SAMD3: variants seen among roughly 807,000 people sequenced by gnomAD.
SAMD3 encodes the protein sterile alpha motif domain containing 3, also known as sterile alpha motif domain-containing protein 3.
SAMD3 carries 63 observed loss-of-function variants against 58.5 expected under a neutral mutation model. The observed-to-expected ratio is 1.08, with a 90% CI of 0.88 to 1.33. The LOEUF (loss-of-function observed/expected upper bound fraction) is 1.33, where lower values mean the gene tolerates loss of function less well. Ranked by LOEUF, SAMD3 falls within the 40% of genes most tolerant of loss-of-function variation. The pLI, the probability that SAMD3 is intolerant of heterozygous loss-of-function variation, is 0.00. For missense variants in SAMD3, 604 were observed against 608.4 expected, an observed-to-expected ratio of 0.99 and a Z score of 0.08; for synonymous variants, 220 against 210.3, an observed-to-expected ratio of 1.05 and a Z score of -0.40.
chr6:130,243,434 G>A lies in SAMD3; in HGVS notation c.-187-20621C>T, dbSNP rs558901805. Among the ~76,000 whole-genome samples the A allele has an allele frequency of 6.6e-5, 10 of 152,230 alleles. No homozygotes were observed. In the South Asian group the frequency reaches 8.3e-4, roughly 13 times the overall value. ...AAGAGAGGAAAGAATACAAGACAGA[G>A]GGGAAGAGAGAATTGGAACTGACAT... On this transcript the variant is annotated intron_variant, in intron 2 of 13. Transcript: ENST00000368134.
At chr6:130,266,125 G>A (rs774205692) in intron 2 of SAMD3, among the ~76,000 whole-genome samples, 6 of 152,156 alleles carry the variant, frequency 3.9e-5, no homozygotes, top group Non-Finnish European at 8.8e-5. Flanking sequence ...TGATGGAGCT[G>A]AAATGGATCT....
intron 1 of SAMD3, among the ~76,000 whole-genome samples, chr6:130,318,795 T>C (rs948903812): frequency 1.3e-5 from 2 of 152,182 alleles, no homozygotes; most frequent in Non-Finnish European, 2.9e-5. Flanking sequence ...TGGTAAAGAA[T>C]AATTAGTTGA....
intron 5 of SAMD3, among the ~76,000 whole-genome samples, chr6:130,191,802 A>C (rs572342552): frequency 1.3e-5 from 2 of 152,340 alleles, no homozygotes; most frequent in East Asian, 3.9e-4. Flanking sequence ...GTAATTTCTT[A>C]AAATCCCAAA....
chr6:130,355,281 G>A (rs976562125), intron 1 of SAMD3, among the ~76,000 whole-genome samples: 2 of 152,062 alleles, frequency 1.3e-5, no homozygotes, highest in Non-Finnish European at 2.9e-5. Context: ...ACAATTAGCC[G>A]AGCATGGTAG....
In SAMD3 at chr6:130,185,504, A is replaced by AT. The variant is rs1175397273; in HGVS notation, c.384-882dup. 4.0e-5 allele frequency among the ~76,000 whole-genome samples: 6 copies of AT among 150,774 alleles called. No homozygotes were observed. In the East Asian group the frequency reaches 5.8e-4, roughly 15 times the overall value. ...CCACCACACCTGGCTAATTTTTTGT[A>AT]TTTTAGTAGAGATGGAGTTTCACCA... On this transcript the variant is annotated intron_variant, in intron 5 of 11. Coordinates refer to ENST00000439090, the MANE Select transcript of SAMD3 (RefSeq NM_001017373.4).
At chr6:130,195,199 T>TGC (rs1263564092) in intron 5 of SAMD3, among the ~76,000 whole-genome samples, 8 of 152,110 alleles carry the variant, frequency 5.3e-5, no homozygotes, top group Non-Finnish European at 1.2e-4. Flanking sequence ...GCCTCCTTCA[T>TGC]GTCCTCCTCT....
chr6:130,155,266 T>C (rs1036000496), intron 8 of SAMD3, among the ~76,000 whole-genome samples: 1 of 152,228 alleles, frequency 6.6e-6, no homozygotes, highest in Non-Finnish European at 1.5e-5. Context: ...CTTTAATTCC[T>C]ACGTTATCCT....
chr6:130,307,349 TGG>T (rs1163612188), intron 2 of SAMD3, among the ~76,000 whole-genome samples: 1 of 152,226 alleles, frequency 6.6e-6, no homozygotes, highest in Non-Finnish European at 1.5e-5. Context: ...TTATTTTGCA[TGG>T]GTCTCTGAAA....
At position 130,214,370 on chromosome 6, in the gene SAMD3, G is replaced by GC. The variant is rs1371631327; in HGVS notation, c.235dup (p.Ala79GlyfsTer16). ...TGCTTCTGTTTGCATGACCAGGGCT[G>GC]CCTTTTTGGGGTTTTCTGGGGACTT... On this transcript the variant is annotated frameshift_variant, in exon 4 of 12. Transcript: ENST00000439090. LOFTEE classifies it high-confidence loss of function. 8 of 1,607,834 alleles carry GC rather than the reference G, an allele frequency of 5.0e-6. No homozygotes were observed. The Admixed American group carries it at 8.5e-5, about 17-fold the overall frequency.
chr6:130,274,832 C>T (rs967160703), intron 2 of SAMD3, among the ~76,000 whole-genome samples: 1 of 151,852 alleles, frequency 6.6e-6, no homozygotes, highest in African/African-American at 2.4e-5. Context: ...AAGTCCCTCT[C>T]CCTTTATATT....
chr6:130,273,977 A>G (rs1349301192), intron 2 of SAMD3, among the ~76,000 whole-genome samples: 4 of 152,112 alleles, frequency 2.6e-5, no homozygotes, highest in African/African-American at 4.8e-5. Flanking sequence ...TAACTCTACA[A>G]GTGAATTTTA....
intron 2 of SAMD3, among the ~76,000 whole-genome samples, chr6:130,276,042 T>G (rs1490635593): frequency 1.3e-5 from 2 of 152,064 alleles, no homozygotes; most frequent in South Asian, 2.1e-4. Context: ...GTAATCTAGG[T>G]GGGCTTAATG....
In SAMD3 at chr6:130,350,347, T is replaced by A. The variant is rs571335016; in HGVS notation, c.-304+14773A>T. 1.5e-4 allele frequency among the ~76,000 whole-genome samples: 23 copies of A among 152,248 alleles called. No individual in the cohort carries two copies. The East Asian group carries it at 4.4e-3, about 29-fold the overall frequency. On this transcript the variant is annotated intron_variant, in intron 1 of 13. Transcript: ENST00000368134. ...CCCATCATCTCAGCCAAAAATCTCC[T>A]TAAGCTGATAAGCAACTTCAGCAAA...
intron 2 of SAMD3, among the ~76,000 whole-genome samples, chr6:130,258,266 TC>T (rs892637158): frequency 2.6e-5 from 4 of 152,148 alleles, no homozygotes; most frequent in Admixed American, 1.3e-4. Context: ...TACCTATCTC[TC>T]CCTGAATATT....
intron 5 of SAMD3, among the ~76,000 whole-genome samples, chr6:130,203,783 G>A (rs373434035): frequency 1.9e-4 from 29 of 152,276 alleles, no homozygotes; most frequent in African/African-American, 7.0e-4. Context: ...TGAGGAGTAG[G>A]AATTGAGAAG....
At position 130,240,300 on chromosome 6, in the gene SAMD3, A is replaced by G. The variant is rs373251116; in HGVS notation, c.-187-17487T>C. Among the ~76,000 whole-genome samples the G allele has an allele frequency of 7.2e-5, 11 of 152,288 alleles. No homozygotes were observed. In the East Asian group the frequency reaches 1.2e-3, roughly 16 times the overall value. ...ACTGCTGATGACCCCAATTCATACAACAAGCACCAAATCTCTGTGTGTCTT... is the reference window on the plus strand; with the variant it reads ...ACTGCTGATGACCCCAATTCATACAGCAAGCACCAAATCTCTGTGTGTCTT... On this transcript the variant is annotated intron_variant, in intron 2 of 13. Coordinates refer to the SAMD3 transcript ENST00000368134.
At chr6:130,280,253 C>T (rs147565514) in intron 2 of SAMD3, among the ~76,000 whole-genome samples, 11 of 152,324 alleles carry the variant, frequency 7.2e-5, no homozygotes, top group South Asian at 4.1e-4. Flanking sequence ...AGTTATTAAA[C>T]TGCACAAGCG....
At chr6:130,224,081 C>T (rs1322558437), upstream of SAMD3, among the ~76,000 whole-genome samples, 2 of 151,970 alleles carry the variant, frequency 1.3e-5, no homozygotes, top group African/African-American at 4.8e-5. Flanking sequence ...AGGCGGTCTT[C>T]CCCTGGAGTC....
At chr6:130,227,701 T>C (rs1026141256), upstream of SAMD3, among the ~76,000 whole-genome samples, 1 of 151,112 alleles carries the variant, frequency 6.6e-6, no homozygotes, top group Non-Finnish European at 1.5e-5. Context: ...GGCAGGAGAA[T>C]CGCTTGAACC....
Sources: gnomAD v4.1 joint callset for allele counts (sites outside exome capture counted in the v4.1 genomes callset) on GRCh38, gnomAD v4.1.1 for gene constraint, MANE v1.5 for transcripts, NCBI Gene and HGNC (gene_info 2026-07-23, HGNC 2026-07-21) for gene names.